C22orf42: variants seen among roughly 807,000 people sequenced by gnomAD.
C22orf42 encodes the protein uncharacterized protein C22orf42.
Under a neutral mutation model 31.4 loss-of-function variants are expected in C22orf42, and 24 were observed. The observed-to-expected ratio is 0.77, with a 90% CI of 0.55 to 1.08. The LOEUF (loss-of-function observed/expected upper bound fraction) is 1.08, where lower values mean the gene tolerates loss of function less well. Among genes scored for constraint, C22orf42 ranks in the 50% least tolerant of loss-of-function variants. The pLI is 0.00. For missense variants in C22orf42, 276 were observed against 327.3 expected (o/e 0.84, Z 1.21); for synonymous variants, 96 against 112.7 (o/e 0.85, Z 0.94).
At chr22:32,149,887 G>C in intron 7 of C22orf42, 107 bp from the exon 8 acceptor site, 1 of 866,462 alleles carries the variant, frequency 1.2e-6, no homozygotes, top group Non-Finnish European at 1.7e-6. Flanking sequence ...GTCAAACAGT[G>C]ATCAAGTCAC....
At chr22:32,153,858 A>C (rs1226776789) in intron 2 of C22orf42, among the ~76,000 whole-genome samples, 1 of 46,966 alleles carries the variant, frequency 2.1e-5, no homozygotes, top group East Asian at 3.0e-4. Context: ...CCATCTCTAC[A>C]AAAAAAAAAA....
intron 3 of C22orf42, 94 bp from the exon 4 acceptor site, chr22:32,152,188 A>C: frequency 5.5e-6 from 8 of 1,452,654 alleles, no homozygotes; most frequent in Non-Finnish European, 6.6e-6. Context: ...TGAAATAAAA[A>C]ACCGGATGTG....
At chr22:32,154,801 C>T (rs1212065329) in intron 1 of C22orf42, among the ~76,000 whole-genome samples, 1 of 152,150 alleles carries the variant, frequency 6.6e-6, no homozygotes, top group Non-Finnish European at 1.5e-5. Context: ...TGTAAATGCC[C>T]AACAGTGTTC....
At position 32,149,498 on chromosome 22, in the gene C22orf42, G is replaced by C. The variant is rs2094108180; in HGVS notation, c.*42C>G. 2 of 1,501,294 alleles carry C rather than the reference G, an allele frequency of 1.3e-6. No homozygotes were observed. The highest frequency in any genetic ancestry group is 2.5e-5 in the East Asian group (1 of 40,500). 93.0% of individuals were successfully genotyped at this position (1,501,294 alleles called of 1,614,324 possible). On this transcript the variant is annotated 3_prime_UTR_variant, in exon 9 of 9. Coordinates refer to ENST00000382097, the MANE Select transcript of C22orf42 (RefSeq NM_001010859.3). Reference sequence around the variant, plus strand: ...ATGCATTCATAAAATGATTTGAGCTGGGCGTGATGGCAGGCGTCTGTAATC... The same window carrying C: ...ATGCATTCATAAAATGATTTGAGCTCGGCGTGATGGCAGGCGTCTGTAATC...
intron 1 of C22orf42, among the ~76,000 whole-genome samples, chr22:32,158,259 C>T (rs913350508): frequency 6.6e-6 from 1 of 152,176 alleles, no homozygotes; most frequent in Non-Finnish European, 1.5e-5. Context: ...ATCACACTTT[C>T]CCTTCCTTGT....
chr22:32,159,743 A>G (rs150177758), upstream of C22orf42, among the ~76,000 whole-genome samples: 7,034 of 152,210 alleles, frequency 0.046, 190 homozygotes, highest in Non-Finnish European at 0.071. Flanking sequence ...TTTGTCTTCA[A>G]CTTGACCACA....
At chr22:32,153,832 G>A (rs1051982576) in intron 2 of C22orf42, among the ~76,000 whole-genome samples, 3 of 148,812 alleles carry the variant, frequency 2.0e-5, no homozygotes, top group African/African-American at 7.6e-5. Flanking sequence ...CTAAGCCTGG[G>A]CAACATGGTG....
At chr22:32,152,786 G>C (rs1244315541) in intron 2 of C22orf42, among the ~76,000 whole-genome samples, 160 bp from the exon 3 acceptor site, 3 of 152,190 alleles carry the variant, frequency 2.0e-5, no homozygotes, top group African/African-American at 7.2e-5. Context: ...TTGAGGGAAG[G>C]CAAAGGAGAG....
At chr22:32,154,975 C>T (rs891169190) in intron 1 of C22orf42, among the ~76,000 whole-genome samples, 1 of 152,150 alleles carries the variant, frequency 6.6e-6, no homozygotes, top group African/African-American at 2.4e-5. Context: ...TTCCTTGATC[C>T]CCACATTAGC....
upstream of C22orf42, chr22:32,159,397 A>G (rs1921474683): frequency 2.8e-6 from 4 of 1,428,136 alleles, no homozygotes; most frequent in African/African-American, 1.4e-5. Flanking sequence ...AGTGGCTCAC[A>G]ATGGCCGACC....
At position 32,150,994 on chromosome 22, in the gene C22orf42, T is replaced by C; in HGVS notation, c.491A>G (p.His164Arg). The C allele has an allele frequency of 6.2e-7, 1 of 1,611,484 alleles. No individual in the cohort carries two copies. Among genetic ancestry groups the C allele is most frequent in the Non-Finnish European group, 8.5e-7 (1 of 1,178,656 alleles). ...DIEISEAKHD[H>R]HLVEDLSESL... is the part of the protein sequence containing the mutation. ...GCTGTTTAAAAAAAAATACGTACGGTGGTCGTGCTTGGCCTCAGATATTTC... is the reference window on the plus strand; with the variant it reads ...GCTGTTTAAAAAAAAATACGTACGGCGGTCGTGCTTGGCCTCAGATATTTC... The change falls in exon 6 of 9, where the codon CAC (histidine) becomes CGC (arginine). Residue 164 changes from histidine to arginine, a missense_variant and splice_region_variant. His to Arg is a conservative substitution (Grantham distance 29, BLOSUM62 0). Transcript: ENST00000382097.
chr22:32,153,862 A>G (rs1921103883), intron 2 of C22orf42, among the ~76,000 whole-genome samples: 1 of 151,998 alleles, frequency 6.6e-6, no homozygotes, highest in Non-Finnish European at 1.5e-5. Flanking sequence ...CTCTACAAAA[A>G]AAAAAAAAAA....
At chr22:32,152,671 G>C in intron 2 of C22orf42, 45 bp from the exon 3 acceptor site, 1 of 1,589,260 alleles carries the variant, frequency 6.3e-7, no homozygotes, top group Non-Finnish European at 8.6e-7. Context: ...TGCTGCTGAG[G>C]AATCCCACAA....
At chr22:32,154,195 A>G (rs1279794780) in intron 2 of C22orf42, 49 bp downstream of exon 2, 7 of 1,605,040 alleles carry the variant, frequency 4.4e-6, no homozygotes, top group African/African-American at 1.3e-5. Context: ...GAATGAATAA[A>G]CTGGAATTGT....
chr22:32,159,037 A>T lies in C22orf42; in HGVS notation c.179T>A (p.Leu60His). 6.2e-7 allele frequency: 1 copy of T among 1,614,144 alleles called. No homozygotes were observed. Among genetic ancestry groups the T allele is most frequent in the Non-Finnish European group, 8.5e-7 (1 of 1,180,016 alleles). The change falls in exon 1 of 9, where the codon CTC becomes CAC. Residue 60 changes from leucine (L) to histidine (H), a missense_variant. Transcript: ENST00000382097. ...KLDLKAKKAQ[L>H]MQYLSLPKTP... ...CTTCGGGAGGCTGAGGTACTGCATG[A>T]GTTGGGCCTTCTTAGCTTTCAAATC...
intron 6 of C22orf42, 146 bp downstream of exon 6, chr22:32,150,846 G>T: frequency 2.5e-6 from 2 of 812,036 alleles, no homozygotes; most frequent in Non-Finnish European, 4.1e-6. Flanking sequence ...CTTTGAGGGG[G>T]AATAAAGAGG....
Position 32,151,032 on chromosome 22 carries a change from A to C in C22orf42, c.466-13T>G, listed in dbSNP as rs1377857914. On this transcript the variant is annotated splice_polypyrimidine_tract_variant and intron_variant, in intron 5 of 8. Coordinates refer to ENST00000382097, the MANE Select transcript of C22orf42 (RefSeq NM_001010859.3). The stretch of plus-strand genomic sequence containing the variant: ...CCTCAGATATTTCCTGCAGTAAGAG[A>C]AAAGAAAAAGAAACACCATGAGGAT... 9 of 1,610,918 alleles carry C rather than the reference A, an allele frequency of 5.6e-6. No individual in the cohort carries two copies. In the African/African-American group the frequency reaches 1.1e-4, roughly 19 times the overall value.
At chr22:32,154,215 T>G (rs369934966) in intron 2 of C22orf42, 29 bp downstream of exon 2, 1,243 of 1,607,870 alleles carry the variant, frequency 7.7e-4, no homozygotes, top group Non-Finnish European at 1.0e-3. Context: ...TTTGCTTAAA[T>G]GAACTTAATG....
upstream of C22orf42, chr22:32,159,361 T>C: frequency 7.0e-7 from 1 of 1,437,964 alleles, no homozygotes; most frequent in Non-Finnish European, 9.1e-7. Flanking sequence ...TGTCACCTGG[T>C]TGCCAGGAAA....
Sources: allele counts gnomAD v4.1 joint callset (sites outside exome capture counted in the v4.1 genomes callset), GRCh38; gene constraint gnomAD v4.1.1; transcripts MANE v1.5; gene names NCBI Gene and HGNC (gene_info 2026-07-23, HGNC 2026-07-21).